The following COL22A1 variants were observed in gnomAD, a reference collection of about 807,000 sequenced individuals.
COL22A1 encodes the protein collagen alpha-1(XXII) chain.
In COL22A1, 221 loss-of-function variants were observed where a neutral mutation model predicts 248.9. The observed-to-expected ratio is 0.89, with a 90% CI of 0.80 to 0.99. The LOEUF is 0.99. Among genes scored for constraint, COL22A1 ranks in the 50% least tolerant of loss-of-function variants. The pLI is 0.00. For synonymous variants in COL22A1, 891 were observed against 793.4 expected, an observed-to-expected ratio of 1.12 and a Z score of -2.07; for missense variants, 2,240 against 2,179.0, an observed-to-expected ratio of 1.03 and a Z score of -0.56.
At chr8:138,705,853 C>A (rs1454142847) in intron 30 of COL22A1, among the ~76,000 whole-genome samples, 1 of 152,142 alleles carries the variant, frequency 6.6e-6, no homozygotes, top group African/African-American at 2.4e-5. Flanking sequence ...GATAAAGAGT[C>A]AAGACCCATC....
intron 30 of COL22A1, among the ~76,000 whole-genome samples, chr8:138,706,206 C>A (rs1399807124): frequency 6.6e-6 from 1 of 152,198 alleles, no homozygotes; most frequent in African/African-American, 2.4e-5. Flanking sequence ...TAACACCCCA[C>A]TGTCAACATT....
At chr8:138,895,847 C>T (rs1242894632) in intron 1 of COL22A1, among the ~76,000 whole-genome samples, 3 of 152,142 alleles carry the variant, frequency 2.0e-5, no homozygotes, top group Non-Finnish European at 2.9e-5. Flanking sequence ...GAAATTTATG[C>T]TTAAATACAT....
At chr8:138,664,209 G>GCGCGCGCGCGCA (rs1440442280) in intron 41 of COL22A1, among the ~76,000 whole-genome samples, 61 of 103,196 alleles carry the variant, frequency 5.9e-4, no homozygotes, top group Admixed American at 1.9e-3. Flanking sequence ...GCGCGCGCGC[G>GCGCGCGCGCGCA]CACACACACA....
At chr8:138,837,686 AGTGGGAGGGGCTG>A (rs1438819173) in intron 4 of COL22A1, among the ~76,000 whole-genome samples, 1 of 152,114 alleles carries the variant, frequency 6.6e-6, no homozygotes, top group Non-Finnish European at 1.5e-5. Context: ...GAGCCCCAGC[AGTGGGAGGGGCTG>A]GTGCCTCTGA....
chr8:138,619,261 A>G lies in COL22A1; in HGVS notation c.3825+194T>C, dbSNP rs180715033. 2.4e-3 allele frequency among the ~76,000 whole-genome samples: 373 copies of G among 152,356 alleles called. 1 individual carries two copies. The highest frequency in any genetic ancestry group is 3.8e-3 in the Non-Finnish European group (260 of 68,022). On this transcript the variant is annotated intron_variant, in intron 53 of 64. Coordinates refer to ENST00000303045, the MANE Select transcript of COL22A1 (RefSeq NM_152888.3). ...TGAGCAACAACAAGGTCATGGCTGC[A>G]ATTGTGAAAATGAATTTCGCAGCTA...
chr8:138,608,234 C>T (rs537780419), intron 56 of COL22A1, among the ~76,000 whole-genome samples: 2 of 152,326 alleles, frequency 1.3e-5, no homozygotes, highest in South Asian at 4.1e-4. Context: ...AAAGTCTAGC[C>T]TGGTGAATGG....
At chr8:138,867,637 C>T (rs1442404158) in intron 3 of COL22A1, among the ~76,000 whole-genome samples, 2 of 152,198 alleles carry the variant, frequency 1.3e-5, no homozygotes, top group African/African-American at 4.8e-5. Flanking sequence ...CAGGTCTTAG[C>T]AATGACATGT....
At chr8:138,851,859 TGA>T (rs1456509955) in intron 3 of COL22A1, among the ~76,000 whole-genome samples, 3 of 151,968 alleles carry the variant, frequency 2.0e-5, no homozygotes, top group Non-Finnish European at 4.4e-5. Flanking sequence ...TGCCATCCAG[TGA>T]GAAAGATGGA....
rs535388987 is a variant in COL22A1, at chr8:138,848,220, C to A, written c.659-4062G>T. On this transcript the variant is annotated intron_variant, in intron 3 of 64. Coordinates refer to ENST00000303045, the MANE Select transcript of COL22A1 (RefSeq NM_152888.3). The stretch of plus-strand genomic sequence containing the variant: ...ACACAAAAACGAAAACATCTAATGA[C>A]AAAGACACTGCTTCCTTAAAGTCCA... 1.7e-3 allele frequency among the ~76,000 whole-genome samples: 257 copies of A among 152,298 alleles called. 1 individual carries two copies. The highest frequency in any genetic ancestry group is 0.014 in the Middle Eastern group (4 of 294).
intron 7 of COL22A1, among the ~76,000 whole-genome samples, chr8:138,814,534 T>C (rs1818514879): frequency 6.6e-6 from 1 of 152,150 alleles, no homozygotes; most frequent in Non-Finnish European, 1.5e-5. Flanking sequence ...GGAAAGGAAT[T>C]AGGGTGGCTG....
chr8:138,607,816 C>G (rs1659678412), intron 57 of COL22A1, 120 bp downstream of exon 57: 1 of 932,892 alleles, frequency 1.1e-6, no homozygotes, highest in South Asian at 1.7e-5. Context: ...TTCTACCACT[C>G]AAACCCATAT....
intron 28 of COL22A1, 88 bp downstream of exon 28, chr8:138,716,737 C>A: frequency 1.0e-6 from 1 of 983,054 alleles, no homozygotes; most frequent in African/African-American, 1.6e-5. Context: ...ATTAATTCCT[C>A]TTGGCATCTA....
chr8:138,712,913 T>C (rs1390973019), intron 30 of COL22A1, among the ~76,000 whole-genome samples: 1 of 152,148 alleles, frequency 6.6e-6, no homozygotes, highest in Non-Finnish European at 1.5e-5. Context: ...GGGTACATGT[T>C]CTATCAGCAG....
chr8:138,724,420 C>T (rs959275165), intron 25 of COL22A1, among the ~76,000 whole-genome samples, 195 bp downstream of exon 25: 1 of 152,164 alleles, frequency 6.6e-6, no homozygotes, highest in African/African-American at 2.4e-5. Flanking sequence ...GGAGCCTTCC[C>T]ACAGACAGGG....
intron 46 of COL22A1, among the ~76,000 whole-genome samples, chr8:138,647,865 A>G (rs1169903577): frequency 1.4e-4 from 22 of 152,172 alleles, no homozygotes; most frequent in Admixed American, 1.4e-3. Context: ...TGATCTAAAC[A>G]TCTCCCTAAG....
At chr8:138,626,710 A>T (rs1189573353) in intron 50 of COL22A1, among the ~76,000 whole-genome samples, 1 of 152,062 alleles carries the variant, frequency 6.6e-6, no homozygotes, top group Non-Finnish European at 1.5e-5. Flanking sequence ...TGCATAGAGG[A>T]TGGTTTATTA....
At chr8:138,661,993 G>A in intron 43 of COL22A1, 37 bp downstream of exon 43, 3 of 1,569,654 alleles carry the variant, frequency 1.9e-6, no homozygotes, top group Non-Finnish European at 1.7e-6. Context: ...GTCATGTAAG[G>A]GCCTTCACTG....
At chr8:138,613,327 A>T (rs997393804) in intron 56 of COL22A1, among the ~76,000 whole-genome samples, 2 of 152,044 alleles carry the variant, frequency 1.3e-5, no homozygotes, top group Non-Finnish European at 2.9e-5. Flanking sequence ...GATGAAGGCA[A>T]AGGCCAGGGT....
intron 52 of COL22A1, among the ~76,000 whole-genome samples, chr8:138,623,528 T>C (rs1053040581): frequency 6.6e-6 from 1 of 152,070 alleles, no homozygotes; most frequent in African/African-American, 2.4e-5. Context: ...TTTGGGGCCA[T>C]GATTTCACCT....
Sources: allele counts gnomAD v4.1 joint callset (sites outside exome capture counted in the v4.1 genomes callset), GRCh38; gene constraint gnomAD v4.1.1; transcripts MANE v1.5; gene names NCBI Gene and HGNC (gene_info 2026-07-23, HGNC 2026-07-21).